The following CPNE4 variants were observed in gnomAD, a reference collection of about 807,000 sequenced individuals.
The protein encoded by CPNE4 is copine-4.
CPNE4 carries 25 observed loss-of-function variants against 67.9 expected under a neutral mutation model. The observed-to-expected ratio is 0.37, with a 90% CI of 0.27 to 0.51. The LOEUF (loss-of-function observed/expected upper bound fraction) is 0.51, where lower values mean the gene tolerates loss of function less well. Ranked by LOEUF, CPNE4 falls within the 20% of genes least tolerant of loss-of-function variation. The probability of loss-of-function intolerance (pLI) is 0.93; values close to 1 mark genes in which losing one functional copy is unlikely to be tolerated. For missense variants in CPNE4, 464 were observed against 690.8 expected (o/e 0.67, Z 3.68); for synonymous variants, 242 against 244.9 (o/e 0.99, Z 0.11).
intron 2 of CPNE4, among the ~76,000 whole-genome samples, chr3:131,792,660 C>CCT (rs1553772223): frequency 1.9e-5 from 1 of 53,416 alleles, no homozygotes; most frequent in African/African-American, 8.0e-5. Flanking sequence ...TATATACACA[C>CCT]GTGTATATAT....
chr3:131,934,210 C>T (rs879687021), intron 1 of CPNE4, among the ~76,000 whole-genome samples: 6 of 151,926 alleles, frequency 3.9e-5, no homozygotes, highest in African/African-American at 7.3e-5. Context: ...TTTAGGAAGA[C>T]GATTGTTGAC....
intron 2 of CPNE4, among the ~76,000 whole-genome samples, chr3:131,865,983 C>T (rs750527199): frequency 5.3e-5 from 8 of 152,176 alleles, no homozygotes; most frequent in Non-Finnish European, 7.3e-5. Flanking sequence ...TTTACAGGCT[C>T]ACACATCATT....
intron 7 of CPNE4, among the ~76,000 whole-genome samples, chr3:131,593,316 G>A (rs1169137244): frequency 6.6e-6 from 1 of 152,090 alleles, no homozygotes. Flanking sequence ...CCATTTATTT[G>A]TGTATTCTTT....
intron 7 of CPNE4, among the ~76,000 whole-genome samples, chr3:131,605,185 T>C (rs1939427462): frequency 6.6e-6 from 1 of 152,196 alleles, no homozygotes; most frequent in South Asian, 2.1e-4. Context: ...AATGAATAGT[T>C]TTTGAGTGTC....
chr3:131,575,899 C>T (rs1582828644), intron 9 of CPNE4, among the ~76,000 whole-genome samples: 1 of 152,014 alleles, frequency 6.6e-6, no homozygotes, highest in Admixed American at 6.6e-5. Flanking sequence ...TTCTCAAGTA[C>T]CTTAGGGATT....
chr3:131,847,199 T>C (rs2086034877), intron 2 of CPNE4, among the ~76,000 whole-genome samples: 1 of 152,208 alleles, frequency 6.6e-6, no homozygotes, highest in Non-Finnish European at 1.5e-5. Context: ...TCTCCCTCCA[T>C]GGCTAGACCT....
intron 1 of CPNE4, among the ~76,000 whole-genome samples, chr3:131,918,176 G>A (rs947982085): frequency 6.6e-6 from 1 of 152,156 alleles, no homozygotes; most frequent in Non-Finnish European, 1.5e-5. Flanking sequence ...CAAAAATGGA[G>A]GAAGCAGAAT....
chr3:131,895,751 A>G (rs9816797), intron 2 of CPNE4, among the ~76,000 whole-genome samples: 30,979 of 152,026 alleles, frequency 0.2, 3,867 homozygotes, highest in Non-Finnish European at 0.27. Flanking sequence ...ATTTCAAACA[A>G]ATAATTGCAG....
intron 2 of CPNE4, among the ~76,000 whole-genome samples, chr3:131,767,793 TATTTA>T (rs2083061412): frequency 6.6e-6 from 1 of 151,960 alleles, no homozygotes; most frequent in Admixed American, 6.6e-5. Flanking sequence ...TTTATTTATT[TATTTA>T]TTTATTTTTT....
intron 1 of CPNE4, among the ~76,000 whole-genome samples, chr3:131,927,067 A>G (rs2070915877): frequency 6.6e-6 from 1 of 152,166 alleles, no homozygotes; most frequent in African/African-American, 2.4e-5. Context: ...CTGACCACCT[A>G]TTAAGTTTCA....
At chr3:132,017,487 C>T (rs1336683601) in intron 1 of CPNE4, 1 of 152,172 alleles carries the variant, frequency 6.6e-6, no homozygotes, top group Admixed American at 6.5e-5. Flanking sequence ...TTTTTATATA[C>T]TTGTTCCCTT....
intron 2 of CPNE4, among the ~76,000 whole-genome samples, chr3:131,877,746 G>T (rs1223215305): frequency 1.3e-5 from 2 of 152,146 alleles, no homozygotes; most frequent in African/African-American, 4.8e-5. Context: ...TTGAAAACAG[G>T]TTAAAAGGAC....
chr3:131,881,335 C>T (rs2087666533), intron 2 of CPNE4, among the ~76,000 whole-genome samples: 1 of 152,148 alleles, frequency 6.6e-6, no homozygotes, highest in African/African-American at 2.4e-5. Context: ...TTGTCCTGGC[C>T]TCTCAACAAC....
chr3:131,898,083 A>C (rs2088407326), intron 2 of CPNE4, among the ~76,000 whole-genome samples: 1 of 152,112 alleles, frequency 6.6e-6, no homozygotes, highest in Non-Finnish European at 1.5e-5. Flanking sequence ...ATAAAGAGAT[A>C]AAATAGATTG....
intron 2 of CPNE4, among the ~76,000 whole-genome samples, chr3:131,730,131 T>C (rs1192541464): frequency 2.0e-5 from 3 of 152,242 alleles, no homozygotes; most frequent in Non-Finnish European, 4.4e-5. Flanking sequence ...TTATAATTAA[T>C]GATATACCAT....
At chr3:131,953,245 A>T (rs992869727) in intron 1 of CPNE4, among the ~76,000 whole-genome samples, 28 of 140,586 alleles carry the variant, frequency 2.0e-4, no homozygotes, top group Admixed American at 1.4e-3. Context: ...CAATTAAAAA[A>T]AAAAAAAAAA....
chr3:131,542,578 C>T lies in CPNE4; in HGVS notation c.1518G>A (p.Val506=), dbSNP rs780681436. ...ATACGTGTTTGAAGTTCCTGAAGGG[C>T]ACGAACTGGACGATGTCTCGAAGAA... The part of the protein sequence containing the change: ...EPVLRDIVQF[V]PFRNFKHASP... Residue 506 remains valine (V), a synonymous_variant, in exon 15 of 16, where the codon GTG becomes GTA. Coordinates refer to ENST00000429747, the MANE Select transcript of CPNE4 (RefSeq NM_130808.3). 10 of 1,613,826 alleles carry T rather than the reference C, an allele frequency of 6.2e-6. No homozygotes were observed. The highest frequency in any genetic ancestry group is 2.5e-6 in the Non-Finnish European group (3 of 1,179,880).
chr3:131,925,047 A>G (rs2107817123), intron 1 of CPNE4, among the ~76,000 whole-genome samples: 1 of 152,270 alleles, frequency 6.6e-6, no homozygotes, highest in African/African-American at 2.4e-5. Flanking sequence ...CTGTGAATTC[A>G]TCTTCATAAA....
chr3:131,575,846 G>A (rs1937535779), intron 9 of CPNE4, among the ~76,000 whole-genome samples: 1 of 152,098 alleles, frequency 6.6e-6, no homozygotes, highest in South Asian at 2.1e-4. Context: ...CTCTACTCTG[G>A]AAGTCAGTAT....
Sources: gnomAD v4.1 joint callset for allele counts (sites outside exome capture counted in the v4.1 genomes callset) on GRCh38, gnomAD v4.1.1 for gene constraint, MANE v1.5 for transcripts, NCBI Gene and HGNC (gene_info 2026-07-23, HGNC 2026-07-21) for gene names.